Variants in PRSS38 observed in about 807,000 individuals in gnomAD.
PRSS38 encodes marapsin 2.
Under a neutral mutation model 26.8 loss-of-function variants are expected in PRSS38, and 22 were observed. The ratio of observed to expected loss-of-function variants is 0.82; its 90% CI spans 0.59 to 1.17. The LOEUF is 1.17. Ranked by LOEUF, PRSS38 falls within the 50% of genes most tolerant of loss-of-function variation. The pLI, the probability that PRSS38 is intolerant of heterozygous loss-of-function variation, is 0.00. For missense variants in PRSS38, 427 were observed against 422.7 expected (o/e 1.01, Z -0.09); for synonymous variants, 175 against 172.1 (o/e 1.02, Z -0.13).
At chr1:227,838,035 C>T (rs970187528) in intron 3 of PRSS38, among the ~76,000 whole-genome samples, 3 of 152,092 alleles carry the variant, frequency 2.0e-5, no homozygotes, top group East Asian at 1.9e-4. Flanking sequence ...GGATGACAGT[C>T]GTGAGCCATT....
At chr1:227,838,339 G>T (rs1665267741) in intron 3 of PRSS38, among the ~76,000 whole-genome samples, 1 of 152,232 alleles carries the variant, frequency 6.6e-6, no homozygotes, top group Non-Finnish European at 1.5e-5. Context: ...GTGGCGTCAT[G>T]CCTGCTGTGA....
At chr1:227,828,187 TGTAA>T (rs1446106612) in intron 3 of PRSS38, among the ~76,000 whole-genome samples, 1 of 152,220 alleles carries the variant, frequency 6.6e-6, no homozygotes, top group African/African-American at 2.4e-5. Flanking sequence ...TGGAGAGTTC[TGTAA>T]GTATCTATTA....
chr1:227,845,257 GCTC>G (rs1200259590), intron 3 of PRSS38, among the ~76,000 whole-genome samples: 1 of 133,452 alleles, frequency 7.5e-6, no homozygotes, highest in Non-Finnish European at 1.6e-5. Flanking sequence ...GTATAGTGGA[GCTC>G]CTATGTGTGG....
intron 3 of PRSS38, among the ~76,000 whole-genome samples, chr1:227,832,101 T>A (rs1405729685): frequency 6.6e-6 from 1 of 152,246 alleles, no homozygotes; most frequent in Non-Finnish European, 1.5e-5. Flanking sequence ...TGTCTGATAT[T>A]GATCTAGCCA....
Position 227,816,895 on chromosome 1 carries a change from A to G in PRSS38, c.312-314A>G, listed in dbSNP as rs1018067715. 2.0e-5 allele frequency among the ~76,000 whole-genome samples: 3 copies of G among 152,216 alleles called. No homozygotes were observed. Among genetic ancestry groups the G allele is most frequent in the Admixed American group, 2.0e-4 (3 of 15,286 alleles). ...CAGCAGGCACGCCTCTCCTGTGGCCATCTGGCCTCCAGAGGGATGTGTGCA... is the reference window on the plus strand; with the variant it reads ...CAGCAGGCACGCCTCTCCTGTGGCCGTCTGGCCTCCAGAGGGATGTGTGCA... On this transcript the variant is annotated intron_variant, in intron 2 of 4. Transcript: ENST00000366757. The surrounding 1 kb of genome is among the most constrained non-coding windows in gnomAD (Gnocchi z 5.1).
At chr1:227,833,462 G>A (rs913496074) in intron 3 of PRSS38, among the ~76,000 whole-genome samples, 1 of 152,066 alleles carries the variant, frequency 6.6e-6, no homozygotes, top group Non-Finnish European at 1.5e-5. Context: ...AGGAGGCAGA[G>A]GTTGCAGTGA....
intron 3 of PRSS38, among the ~76,000 whole-genome samples, chr1:227,822,822 C>T (rs1029229240): frequency 1.3e-5 from 2 of 152,200 alleles, no homozygotes; most frequent in African/African-American, 4.8e-5. Context: ...TTGGTCTTCT[C>T]AGGTTTACTT....
intron 3 of PRSS38, among the ~76,000 whole-genome samples, chr1:227,829,199 C>G (rs187889028): frequency 6.6e-6 from 1 of 152,234 alleles, no homozygotes; most frequent in Non-Finnish European, 1.5e-5. Context: ...TGCCACAGAC[C>G]GCAGCTGCTT....
At chr1:227,831,367 G>GA (rs1250466107) in intron 3 of PRSS38, among the ~76,000 whole-genome samples, 5 of 151,982 alleles carry the variant, frequency 3.3e-5, no homozygotes, top group African/African-American at 7.2e-5. Flanking sequence ...CTTGTGCTTA[G>GA]AAAAAAATAC....
chr1:227,832,477 C>T (rs1463522800), intron 3 of PRSS38, among the ~76,000 whole-genome samples: 2 of 152,064 alleles, frequency 1.3e-5, no homozygotes, highest in Non-Finnish European at 2.9e-5. Context: ...AAGATGTTTT[C>T]TAAACAGTGG....
chr1:227,843,813 A>C (rs1472756016), intron 3 of PRSS38, among the ~76,000 whole-genome samples: 2 of 152,140 alleles, frequency 1.3e-5, no homozygotes, highest in Admixed American at 1.3e-4. Context: ...TGAGGTCAGG[A>C]GTTCAAGACC....
chr1:227,818,690 A>AC (rs1368173124), intron 3 of PRSS38, among the ~76,000 whole-genome samples: 1 of 151,714 alleles, frequency 6.6e-6, no homozygotes, highest in Admixed American at 6.6e-5. Flanking sequence ...AAAAAAAAAA[A>AC]AAAAAAAAAC....
intron 3 of PRSS38, among the ~76,000 whole-genome samples, chr1:227,824,710 T>C (rs1665047067): frequency 6.6e-6 from 1 of 152,180 alleles, no homozygotes; most frequent in Non-Finnish European, 1.5e-5. Flanking sequence ...GTTCCTTTGT[T>C]CTTACAACCT....
At chr1:227,827,035 A>G (rs1665083575) in intron 3 of PRSS38, among the ~76,000 whole-genome samples, 1 of 152,074 alleles carries the variant, frequency 6.6e-6, no homozygotes, top group East Asian at 1.9e-4. Flanking sequence ...AGCCAACTTG[A>G]TTGTAGTGGA....
At chr1:227,839,595 T>G (rs1026757685) in intron 3 of PRSS38, among the ~76,000 whole-genome samples, 8 of 152,192 alleles carry the variant, frequency 5.3e-5, no homozygotes, top group Non-Finnish European at 1.0e-4. Context: ...TTTCTCAGAC[T>G]TTCTTGAGGG....
rs775904654 is a variant in PRSS38, at chr1:227,816,264, C to G, written c.311+12C>G. The stretch of plus-strand genomic sequence containing the variant: ...CACTGCTTTCACAGGTAAGCGGGCG[C>G]CGGCCTGGGATGGTGTGGGTAGCTG... On this transcript the variant is annotated intron_variant, in intron 2 of 4. Transcript: ENST00000366757. The surrounding 1 kb of genome is among the most constrained non-coding windows in gnomAD (Gnocchi z 5.1). 5 of 1,607,026 alleles carry G rather than the reference C, an allele frequency of 3.1e-6. No individual in the cohort carries two copies. In the South Asian group the frequency reaches 5.5e-5, roughly 18 times the overall value.
chr1:227,819,037 T>C (rs1664964312), intron 3 of PRSS38, among the ~76,000 whole-genome samples: 1 of 152,228 alleles, frequency 6.6e-6, no homozygotes, highest in South Asian at 2.1e-4. Context: ...ATTTTGAATA[T>C]AATGATATTG....
chr1:227,843,157 T>A (rs542669656), intron 3 of PRSS38, among the ~76,000 whole-genome samples: 1 of 152,292 alleles, frequency 6.6e-6, no homozygotes, highest in East Asian at 1.9e-4. Flanking sequence ...AAGCCATCCA[T>A]ACATAATGTA....
rs200608068 is a variant in PRSS38, at chr1:227,815,884, C to T, written c.148+20C>T. The T allele has an allele frequency of 5.1e-5, 81 of 1,584,744 alleles. 1 individual carries two copies. The highest frequency in any genetic ancestry group is 2.3e-4 in the East Asian group (10 of 44,092). On this transcript the variant is annotated intron_variant, in intron 1 of 4. Transcript: ENST00000366757. ...GCGTGGGTAGGCCCTGCCCCAGGGGCGGATGGGCGGCTGGAGACAGTGCCC... is the reference window on the plus strand; with the variant it reads ...GCGTGGGTAGGCCCTGCCCCAGGGGTGGATGGGCGGCTGGAGACAGTGCCC...
Sources: allele counts gnomAD v4.1 joint callset (sites outside exome capture counted in the v4.1 genomes callset), GRCh38; gene constraint gnomAD v4.1.1; non-coding constraint Gnocchi (gnomAD v3.1); transcripts MANE v1.5; gene names NCBI Gene and HGNC (gene_info 2026-07-23, HGNC 2026-07-21).